Variants in VPS54 observed in about 807,000 individuals in gnomAD.
The protein encoded by VPS54 is vacuolar protein sorting-associated protein 54.
A neutral mutation model predicts 121.5 loss-of-function variants in VPS54; 45 were observed. The observed-to-expected ratio is 0.37, with a 90% CI of 0.29 to 0.47. The LOEUF is 0.47. VPS54 is among the 20% of genes least tolerant of loss of function. The pLI is 0.99. For missense variants in VPS54, 1,090 were observed against 1,131.4 expected (o/e 0.96, Z 0.52); for synonymous variants, 371 against 385.8 (o/e 0.96, Z 0.45).
intron 11 of VPS54, among the ~76,000 whole-genome samples, chr2:63,942,047 AAAAG>A (rs931133939): frequency 2.0e-5 from 3 of 151,660 alleles, no homozygotes; most frequent in African/African-American, 7.3e-5. Context: ...AAAAAAAAAA[AAAAG>A]TAAATTAGCA....
At chr2:63,893,568 C>T (rs1338514691) in intron 22 of VPS54, 33 bp from the exon 23 acceptor site, 2 of 1,563,358 alleles carry the variant, frequency 1.3e-6, no homozygotes, top group South Asian at 2.3e-5. Flanking sequence ...TTTTTTAAAT[C>T]TCAAACTTTC....
chr2:63,950,801 T>G (rs750466916), intron 7 of VPS54, among the ~76,000 whole-genome samples: 10 of 152,100 alleles, frequency 6.6e-5, no homozygotes, highest in Admixed American at 3.3e-4. Context: ...TCCCCCAGAG[T>G]AGGGCACTTT....
chr2:63,959,085 T>C (rs1675632960), intron 7 of VPS54, among the ~76,000 whole-genome samples: 1 of 152,218 alleles, frequency 6.6e-6, no homozygotes, highest in Admixed American at 6.5e-5. Context: ...AATCAATCTA[T>C]AAAGCGTCCA....
At chr2:63,975,609 ACATGGAGATGGCTTCT>A (rs1676487624) in intron 3 of VPS54, 1 of 152,566 alleles carries the variant, frequency 6.6e-6, no homozygotes, top group African/African-American at 2.4e-5. Context: ...CTGACTCAGC[ACATGGAGATGGCTTCT>A]CCCTATGATA....
At chr2:64,008,313 T>C (rs569615347) in intron 1 of VPS54, among the ~76,000 whole-genome samples, 28 of 151,350 alleles carry the variant, frequency 1.9e-4, no homozygotes, top group South Asian at 6.3e-4. Context: ...ACTCAGAAGG[T>C]TGAGGCACAA....
intron 7 of VPS54, among the ~76,000 whole-genome samples, chr2:63,950,256 G>A (rs1675177022): frequency 1.3e-5 from 2 of 152,154 alleles, no homozygotes; most frequent in Admixed American, 6.6e-5. Flanking sequence ...ATCTTCAATG[G>A]TGTAATCCTT....
chr2:64,005,783 G>A (rs1411635331), intron 1 of VPS54, among the ~76,000 whole-genome samples: 1 of 152,188 alleles, frequency 6.6e-6, no homozygotes, highest in African/African-American at 2.4e-5. Context: ...TAGGGAATAA[G>A]TTAAAATAAA....
In VPS54 at chr2:63,897,596, A is replaced by G; in HGVS notation, c.2734-6T>C. On this transcript the variant is annotated splice_region_variant and splice_polypyrimidine_tract_variant and intron_variant, in intron 21 of 22. Coordinates refer to ENST00000272322, the MANE Select transcript of VPS54 (RefSeq NM_016516.3). ...TTAATTCTTAAAAATAACATCTGAA[A>G]AAGAAATAAAACTAAGTTTCTTAAA... The G allele has an allele frequency of 1.4e-6, 2 of 1,463,538 alleles. No homozygotes were observed. Among genetic ancestry groups the G allele is most frequent in the Non-Finnish European group, 1.9e-6 (2 of 1,059,444 alleles). 90.7% of individuals were successfully genotyped at this position (1,463,538 alleles called of 1,614,324 possible). A position where few individuals can be genotyped will look rare whatever the true frequency, so the allele number is the denominator to read the frequency against.
chr2:63,953,931 T>C (rs551893119), intron 7 of VPS54, among the ~76,000 whole-genome samples: 1 of 152,332 alleles, frequency 6.6e-6, no homozygotes, highest in South Asian at 2.1e-4. Context: ...CATACACAGA[T>C]TGTCTCAGAA....
chr2:63,912,707 A>G, intron 18 of VPS54, 46 bp from the exon 19 acceptor site: 1 of 1,539,694 alleles, frequency 6.5e-7, no homozygotes. Context: ...TAAAAAAAAA[A>G]AAGGTATTAG....
At position 63,960,743 on chromosome 2, in the gene VPS54, C is replaced by T. The variant is rs534093588; in HGVS notation, c.1010+1315G>A. On this transcript the variant is annotated intron_variant, in intron 7 of 22. Coordinates refer to ENST00000272322, the MANE Select transcript of VPS54 (RefSeq NM_016516.3). ...TTGACATTTATTGAAAAAATACATA[C>T]GACATACAAATTCAAAGATAAATCC... Among the ~76,000 whole-genome samples the T allele has an allele frequency of 2.6e-5, 4 of 152,132 alleles. No individual in the cohort carries two copies. The East Asian group carries it at 7.7e-4, about 29-fold the overall frequency.
At chr2:63,990,779 G>C (rs1197430455) in intron 1 of VPS54, among the ~76,000 whole-genome samples, 2 of 152,206 alleles carry the variant, frequency 1.3e-5, no homozygotes, top group African/African-American at 4.8e-5. Context: ...AGTCACACTA[G>C]AACCTCCTAT....
intron 1 of VPS54, among the ~76,000 whole-genome samples, chr2:64,018,155 G>C (rs1482153113): frequency 6.6e-6 from 1 of 152,056 alleles, no homozygotes; most frequent in East Asian, 1.9e-4. Context: ...TGACAAATCA[G>C]AAATACAGCC....
intron 22 of VPS54, among the ~76,000 whole-genome samples, chr2:63,894,343 T>C (rs1159213704): frequency 6.6e-6 from 1 of 152,166 alleles, no homozygotes; most frequent in Non-Finnish European, 1.5e-5. Flanking sequence ...CAGTATGGCA[T>C]GGTTATAATG....
At chr2:63,897,037 T>A (rs955423289) in intron 22 of VPS54, among the ~76,000 whole-genome samples, 7 of 152,198 alleles carry the variant, frequency 4.6e-5, no homozygotes, top group Admixed American at 2.6e-4. Context: ...TTTACAGTAA[T>A]ATATACAATC....
chr2:63,899,656 T>C, intron 20 of VPS54, 75 bp from the exon 21 acceptor site: 2 of 1,219,738 alleles, frequency 1.6e-6, no homozygotes, highest in Non-Finnish European at 2.4e-6. Flanking sequence ...CCCTGAGACA[T>C]ATATTTACTG....
chr2:63,918,537 A>G (rs1392596003), intron 15 of VPS54, among the ~76,000 whole-genome samples: 2 of 151,990 alleles, frequency 1.3e-5, no homozygotes, highest in Non-Finnish European at 1.5e-5. Context: ...TTGTGCCAAT[A>G]TCATACCATC....
chr2:64,006,069 T>G (rs923151040), intron 1 of VPS54, among the ~76,000 whole-genome samples: 22 of 152,234 alleles, frequency 1.4e-4, no homozygotes, highest in African/African-American at 2.2e-4. Flanking sequence ...ATTATGTGAT[T>G]ATTTACCTGC....
intron 1 of VPS54, among the ~76,000 whole-genome samples, chr2:63,986,757 A>T (rs925359253): frequency 1.3e-5 from 2 of 152,162 alleles, no homozygotes; most frequent in African/African-American, 4.8e-5. Context: ...AGCACTTCTT[A>T]ATGCCTGTCT....
Sources: allele counts gnomAD v4.1 joint callset (sites outside exome capture counted in the v4.1 genomes callset), GRCh38; gene constraint gnomAD v4.1.1; transcripts MANE v1.5; gene names NCBI Gene and HGNC (gene_info 2026-07-23, HGNC 2026-07-21).